The following ATP6V0D1 variants were observed in gnomAD, a reference collection of about 807,000 sequenced individuals.
ATP6V0D1 encodes V-type proton ATPase subunit d 1.
Under a neutral mutation model 39.0 loss-of-function variants are expected in ATP6V0D1, and 13 were observed. The ratio of observed to expected loss-of-function variants is 0.33; its 90% confidence interval spans 0.22 to 0.53. ATP6V0D1 has a LOEUF of 0.53. Among genes scored for constraint, ATP6V0D1 ranks in the 20% least tolerant of loss-of-function variants. The pLI is 0.94. For missense variants in ATP6V0D1, 272 were observed against 470.9 expected, an observed-to-expected ratio of 0.58 and a Z score of 3.91; for synonymous variants, 191 against 191.2, an observed-to-expected ratio of 1.00 and a Z score of 0.01.
intron 1 of ATP6V0D1, among the ~76,000 whole-genome samples, chr16:67,474,779 A>T (rs1177765983): frequency 6.6e-6 from 1 of 152,160 alleles, no homozygotes. Context: ...AATAGCCTTC[A>T]TATCTCCACT....
intron 1 of ATP6V0D1, among the ~76,000 whole-genome samples, chr16:67,461,462 C>T (rs944235181): frequency 6.6e-6 from 1 of 152,178 alleles, no homozygotes; most frequent in Non-Finnish European, 1.5e-5. Flanking sequence ...CCTGAGTTGC[C>T]CTGAGGGTCT....
chr16:67,459,954 T>G (rs764314394), intron 1 of ATP6V0D1, among the ~76,000 whole-genome samples: 6 of 152,260 alleles, frequency 3.9e-5, no homozygotes, highest in Non-Finnish European at 7.3e-5. Context: ...GCTGGCCAGC[T>G]GGCCACAGCA....
At chr16:67,470,256 A>G (rs2041362224) in intron 1 of ATP6V0D1, among the ~76,000 whole-genome samples, 1 of 152,168 alleles carries the variant, frequency 6.6e-6, no homozygotes, top group Non-Finnish European at 1.5e-5. Context: ...GTTTTGACAA[A>G]GGGGTGACAA....
intron 1 of ATP6V0D1, among the ~76,000 whole-genome samples, chr16:67,466,832 T>C (rs1272430834): frequency 3.3e-5 from 5 of 151,794 alleles, no homozygotes; most frequent in Non-Finnish European, 7.4e-5. Flanking sequence ...AAGAGAACAA[T>C]AGGTGGATAT....
chr16:67,477,581 A>G (rs1231787154), intron 1 of ATP6V0D1, among the ~76,000 whole-genome samples: 1 of 152,200 alleles, frequency 6.6e-6, no homozygotes, highest in African/African-American at 2.4e-5. Flanking sequence ...ATCAATAAGA[A>G]TTTATGATTG....
Position 67,470,579 on chromosome 16 carries a change from C to T in ATP6V0D1, c.130+10378G>A, listed in dbSNP as rs190793071. ...GCTAGGCTTCCAAGGCAGGCTTGCC[C>T]GGCTATGAGCCAACAGATGGCCTGG... is the stretch of plus-strand genomic sequence containing the variant. On this transcript the variant is annotated intron_variant, in intron 1 of 7. Transcript: ENST00000290949. Among the ~76,000 whole-genome samples the T allele has an allele frequency of 1.9e-4, 29 of 152,356 alleles. No homozygotes were observed. In the South Asian group the frequency reaches 4.8e-3, roughly 25 times the overall value.
chr16:67,450,637 G>A (rs1217107340), intron 2 of ATP6V0D1, among the ~76,000 whole-genome samples: 3 of 152,162 alleles, frequency 2.0e-5, no homozygotes, highest in African/African-American at 4.8e-5. Context: ...GTGGAGTGAC[G>A]GGACTGTTGA....
intron 5 of ATP6V0D1, 60 bp downstream of exon 5, chr16:67,439,214 G>A (rs2041016667): frequency 8.1e-6 from 13 of 1,613,668 alleles, no homozygotes; most frequent in Non-Finnish European, 1.1e-5. Context: ...TCAGTTGGCA[G>A]AGCCTCCCCA....
chr16:67,465,892 C>T (rs377073455), intron 1 of ATP6V0D1, among the ~76,000 whole-genome samples: 10 of 152,276 alleles, frequency 6.6e-5, no homozygotes, highest in African/African-American at 2.4e-4. Context: ...GCAGCTGCCC[C>T]ACGGAAAAGC....
chr16:67,457,151 C>G (rs893405467), intron 1 of ATP6V0D1: 2 of 158,950 alleles, frequency 1.3e-5, no homozygotes, highest in African/African-American at 2.4e-5. Flanking sequence ...CAACCCAGAT[C>G]TACTCTAACT....
intron 1 of ATP6V0D1, chr16:67,457,472 A>G (rs1234534031): frequency 5.9e-6 from 5 of 848,014 alleles, no homozygotes; most frequent in Non-Finnish European, 8.4e-6. Flanking sequence ...TTTCAGTCCC[A>G]GATGAGCTGG....
rs1474284998 is a variant in ATP6V0D1 at position 67,443,103 on chromosome 16, T to C, written c.557A>G (p.Tyr186Cys). 1.9e-6 allele frequency: 3 copies of C among 1,613,518 alleles called. No individual in the cohort carries two copies. Among genetic ancestry groups the C allele is most frequent in the South Asian group, 1.1e-5 (1 of 91,044 alleles). The change falls in exon 4 of 8, where the codon TAC becomes TGC. Residue 186 changes from tyrosine (Y) to cysteine (C), a missense_variant. By Grantham distance (194) the Tyr-to-Cys change is radical. Coordinates refer to ENST00000290949, the MANE Select transcript of ATP6V0D1 (RefSeq NM_004691.5). Reference protein sequence around the residue: ...MNIEIIRNTLYKAYLESFYKF... With the variant: ...MNIEIIRNTLCKAYLESFYKF... ...ATGGCTTGTGTGGGGCATTACCTTGTAGAGGGTGTTGCGGATGATCTCGAT... is the reference window on the plus strand; with the variant it reads ...ATGGCTTGTGTGGGGCATTACCTTGCAGAGGGTGTTGCGGATGATCTCGAT...
chr16:67,475,541 C>T (rs1443632321), intron 1 of ATP6V0D1, among the ~76,000 whole-genome samples: 4 of 152,310 alleles, frequency 2.6e-5, no homozygotes, highest in Non-Finnish European at 1.5e-5. Context: ...GGACCACTAG[C>T]TCACATGGAA....
chr16:67,445,441 C>T (rs2041104567), intron 2 of ATP6V0D1, among the ~76,000 whole-genome samples: 1 of 152,190 alleles, frequency 6.6e-6, no homozygotes, highest in South Asian at 2.1e-4. Flanking sequence ...GAAGCTTCTC[C>T]AGGGAAGGCC....
chr16:67,465,410 G>A (rs997360846), intron 1 of ATP6V0D1, among the ~76,000 whole-genome samples: 2 of 152,222 alleles, frequency 1.3e-5, no homozygotes, highest in African/African-American at 4.8e-5. Flanking sequence ...TTCATCCTCT[G>A]TCCTGAAGAC....
At chr16:67,442,281 G>C (rs1242107941) in intron 4 of ATP6V0D1, among the ~76,000 whole-genome samples, 1 of 152,226 alleles carries the variant, frequency 6.6e-6, no homozygotes, top group Non-Finnish European at 1.5e-5. Context: ...GACAGGTGAG[G>C]TCAGCAGGTC....
At chr16:67,480,748 G>A (rs1220252278) in intron 1 of ATP6V0D1, among the ~76,000 whole-genome samples, 1 of 152,144 alleles carries the variant, frequency 6.6e-6, no homozygotes, top group East Asian at 1.9e-4. Context: ...GCGAACAACT[G>A]CGGTTCTTAA....
intron 1 of ATP6V0D1, among the ~76,000 whole-genome samples, chr16:67,465,965 A>G (rs1323781716): frequency 6.6e-6 from 1 of 151,820 alleles, no homozygotes; most frequent in Non-Finnish European, 1.5e-5. Context: ...CTCCTTGAGA[A>G]GTGGAGTGAT....
At chr16:67,469,677 C>G (rs2041357786) in intron 1 of ATP6V0D1, among the ~76,000 whole-genome samples, 1 of 152,262 alleles carries the variant, frequency 6.6e-6, no homozygotes, top group Non-Finnish European at 1.5e-5. Flanking sequence ...CTCTCCAGCA[C>G]AGGCCTCAGC....
Sources: allele counts gnomAD v4.1 joint callset (sites outside exome capture counted in the v4.1 genomes callset), GRCh38; gene constraint gnomAD v4.1.1; transcripts MANE v1.5; gene names NCBI Gene and HGNC (gene_info 2026-07-23, HGNC 2026-07-21).